FARP1: variants seen among roughly 807,000 people sequenced by gnomAD.
FARP1 encodes FERM, ARHGEF and pleckstrin domain-containing protein 1.
A neutral mutation model predicts 128.8 loss-of-function variants in FARP1; 52 were observed. The ratio of observed to expected loss-of-function variants is 0.40; its 90% CI spans 0.32 to 0.51. The LOEUF is 0.51. Among genes scored for constraint, FARP1 ranks in the 20% least tolerant of loss-of-function variants. The pLI, the probability that FARP1 is intolerant of heterozygous loss-of-function variation, is 0.45. For missense variants in FARP1, 1,333 were observed against 1,367.9 expected (o/e 0.97, Z 0.40); for synonymous variants, 580 against 551.8 (o/e 1.05, Z -0.72).
At chr13:98,271,288 G>A (rs756635970) in intron 2 of FARP1, among the ~76,000 whole-genome samples, 6 of 152,164 alleles carry the variant, frequency 3.9e-5, no homozygotes, top group Non-Finnish European at 8.8e-5. Flanking sequence ...AGCACACGGT[G>A]ACGACTTTTT....
intron 2 of FARP1, among the ~76,000 whole-genome samples, chr13:98,313,514 C>A (rs1365559063): frequency 2.0e-5 from 3 of 152,212 alleles, no homozygotes; most frequent in Admixed American, 1.3e-4. Flanking sequence ...AATGCCTTGA[C>A]CTTGGACTTA....
At chr13:98,209,534 C>A (rs1203017503) in intron 1 of FARP1, among the ~76,000 whole-genome samples, 1 of 141,570 alleles carries the variant, frequency 7.1e-6, no homozygotes, top group African/African-American at 2.6e-5. Flanking sequence ...CGGTGGGTCA[C>A]GCCTGTAATC....
intron 2 of FARP1, among the ~76,000 whole-genome samples, chr13:98,215,128 C>T (rs1359980414): frequency 6.6e-6 from 1 of 152,182 alleles, no homozygotes. Flanking sequence ...AAGTCAAGAC[C>T]CCATTCCTAG....
At chr13:98,294,937 A>G (rs537658906) in intron 2 of FARP1, among the ~76,000 whole-genome samples, 1 of 151,826 alleles carries the variant, frequency 6.6e-6, no homozygotes, top group East Asian at 1.9e-4. Flanking sequence ...TAATCGCTTG[A>G]TCCCGAGAGG....
rs971600552 is a variant in FARP1 at position 98,431,088 on chromosome 13, C to T, written c.1951C>T (p.Leu651=). The T allele has an allele frequency of 1.2e-6, 2 of 1,614,156 alleles. No homozygotes were observed. Among genetic ancestry groups the T allele is most frequent in the African/African-American group, 1.3e-5 (1 of 75,056 alleles). The change falls in exon 18 of 27, where the codon CTG becomes TTG. Residue 651 remains leucine (L), a synonymous_variant. Transcript: ENST00000319562. Reference sequence around the variant, plus strand: ...GAAGCACAGCGAGGCCTTGGAGGCCCTGGAGAATGGAATCAAGAGCTCCCG... The same window carrying T: ...GAAGCACAGCGAGGCCTTGGAGGCCTTGGAGAATGGAATCAAGAGCTCCCG... ...LWKHSEALEA[L]ENGIKSSRRL...
rs766176428 is a variant in FARP1, at chr13:98,440,842, C to T, written c.2796+6C>T. 4 of 1,593,032 alleles carry T rather than the reference C, an allele frequency of 2.5e-6. No homozygotes were observed. Among genetic ancestry groups the T allele is most frequent in the Non-Finnish European group, 3.4e-6 (4 of 1,171,358 alleles). On this transcript the variant is annotated splice_donor_region_variant and intron_variant, in intron 24 of 26. Transcript: ENST00000319562. Reference sequence around the variant, plus strand: ...ACTTCAGCATCGCAGTGGAGGTACGCAGGGGCAGGGCAGCTCTGGTTCCCA... The same window carrying T: ...ACTTCAGCATCGCAGTGGAGGTACGTAGGGGCAGGGCAGCTCTGGTTCCCA...
chr13:98,392,500 C>CA (rs768704584), intron 11 of FARP1, among the ~76,000 whole-genome samples: 11,592 of 136,246 alleles, frequency 0.085, 1,181 homozygotes, highest in African/African-American at 0.25. Context: ...GATCCTGTCC[C>CA]AAAAAAAAAA....
chr13:98,277,944 GA>G (rs1191251048), intron 2 of FARP1, among the ~76,000 whole-genome samples: 2 of 152,194 alleles, frequency 1.3e-5, no homozygotes, highest in Non-Finnish European at 2.9e-5. Flanking sequence ...AAAATCTGGT[GA>G]TCTGTTATTT....
chr13:98,169,834 G>A (rs1594224997), intron 1 of FARP1, among the ~76,000 whole-genome samples: 1 of 151,796 alleles, frequency 6.6e-6, no homozygotes, highest in African/African-American at 2.4e-5. Flanking sequence ...TCTCCATTTA[G>A]TCTGGAGACC....
intron 17 of FARP1, among the ~76,000 whole-genome samples, chr13:98,429,163 A>G (rs1482490710): frequency 6.6e-6 from 1 of 152,216 alleles, no homozygotes; most frequent in East Asian, 1.9e-4. Flanking sequence ...CTGTGTGATA[A>G]GGGCGGTTGT....
intron 1 of FARP1, among the ~76,000 whole-genome samples, chr13:98,187,731 G>T (rs1459890504): frequency 6.6e-6 from 1 of 152,202 alleles, no homozygotes. Flanking sequence ...TGGAGCTGGA[G>T]ACTATAGCTG....
At chr13:98,298,086 G>A (rs528503056) in intron 2 of FARP1, among the ~76,000 whole-genome samples, 12 of 152,324 alleles carry the variant, frequency 7.9e-5, no homozygotes, top group South Asian at 4.1e-4. Context: ...AGGCTGTGTA[G>A]GACTGTGATG....
intron 18 of FARP1, chr13:98,432,597 A>G (rs1892074877): frequency 6.6e-6 from 1 of 152,252 alleles, no homozygotes; most frequent in Non-Finnish European, 1.5e-5. Flanking sequence ...CTTGCCTGAA[A>G]TGTCAGAAAC....
chr13:98,393,329 C>T (rs1266977080), intron 11 of FARP1, among the ~76,000 whole-genome samples: 4 of 152,198 alleles, frequency 2.6e-5, no homozygotes, highest in African/African-American at 9.7e-5. Context: ...ATCCTCCCTC[C>T]TCTGTGACTT....
At chr13:98,318,956 T>G (rs1445485986) in intron 2 of FARP1, among the ~76,000 whole-genome samples, 1 of 132,858 alleles carries the variant, frequency 7.5e-6, no homozygotes, top group East Asian at 1.9e-4. Context: ...TCTTGTTTTT[T>G]TTTTTTTTTT....
At chr13:98,149,446 G>A (rs1325063984) in intron 1 of FARP1, among the ~76,000 whole-genome samples, 1 of 152,132 alleles carries the variant, frequency 6.6e-6, no homozygotes, top group Non-Finnish European at 1.5e-5. Context: ...GTAGAGATAG[G>A]TTTTTATTTT....
chr13:98,446,083 C>T lies in FARP1; in HGVS notation c.2797-15C>T. ...GGTGCCCGCTGTGCTTCTCACAGGC[C>T]TCCTTGCCTTTCAGAATCAGTTGTC... is the stretch of plus-strand genomic sequence containing the variant. On this transcript the variant is annotated splice_polypyrimidine_tract_variant and intron_variant, in intron 24 of 26. Transcript: ENST00000319562. 6.3e-7 allele frequency: 1 copy of T among 1,588,976 alleles called. No homozygotes were observed. The highest frequency in any genetic ancestry group is 8.6e-7 in the Non-Finnish European group (1 of 1,157,274).
intron 3 of FARP1, among the ~76,000 whole-genome samples, chr13:98,357,122 T>A (rs1888675742): frequency 6.6e-6 from 1 of 152,190 alleles, no homozygotes; most frequent in Non-Finnish European, 1.5e-5. Flanking sequence ...ATACTTGCTT[T>A]TTTCTTTTTT....
intron 1 of FARP1, among the ~76,000 whole-genome samples, chr13:98,198,772 G>A (rs1486773792): frequency 6.6e-6 from 1 of 151,378 alleles, no homozygotes; most frequent in African/African-American, 2.4e-5. Flanking sequence ...CAGGTACTAA[G>A]GAGGCCAAGG....
Sources: gnomAD v4.1 joint callset for allele counts (sites outside exome capture counted in the v4.1 genomes callset) on GRCh38, gnomAD v4.1.1 for gene constraint, MANE v1.5 for transcripts, NCBI Gene and HGNC (gene_info 2026-07-23, HGNC 2026-07-21) for gene names.